Variants in HEATR5B observed in about 807,000 individuals in gnomAD.
HEATR5B encodes HEAT repeat-containing protein 5B.
HEATR5B carries 156 observed loss-of-function variants against 224.1 expected under a neutral mutation model. That is an observed-to-expected ratio of 0.70 (90% CI 0.61 to 0.80). The LOEUF is 0.80. Among genes scored for constraint, HEATR5B ranks in the 30% least tolerant of loss-of-function variants. The probability of loss-of-function intolerance (pLI) is 0.00; values close to 1 mark genes in which losing one functional copy is unlikely to be tolerated. For synonymous variants in HEATR5B, 1,027 were observed against 893.0 expected, an observed-to-expected ratio of 1.15 and a Z score of -2.68; for missense variants, 2,323 against 2,535.5, an observed-to-expected ratio of 0.92 and a Z score of 1.80.
intron 6 of HEATR5B, 96 bp from the exon 7 acceptor site, chr2:37,070,483 A>G: frequency 3.5e-6 from 3 of 856,956 alleles, no homozygotes; most frequent in East Asian, 2.7e-5. Context: ...CTTTACTACA[A>G]TGGGGAAATG....
chr2:37,057,672 T>C (rs548663106), intron 14 of HEATR5B, among the ~76,000 whole-genome samples, 192 bp from the exon 15 acceptor site: 38 of 152,318 alleles, frequency 2.5e-4, no homozygotes, highest in Admixed American at 5.2e-4. Context: ...TATATTGTAT[T>C]GTGTCTTTTA....
chr2:37,070,485 G>A, intron 6 of HEATR5B, 98 bp from the exon 7 acceptor site: 1 of 859,548 alleles, frequency 1.2e-6, no homozygotes, highest in Non-Finnish European at 1.7e-6. Context: ...TTACTACAAT[G>A]GGGAAATGGT....
chr2:37,031,254 C>T (rs1332423436), intron 22 of HEATR5B, among the ~76,000 whole-genome samples: 1 of 152,052 alleles, frequency 6.6e-6, no homozygotes, highest in Non-Finnish European at 1.5e-5. Context: ...ACTGAGTCCA[C>T]CCAGGAAATC....
chr2:37,010,793 A>G (rs1667738417), intron 27 of HEATR5B, among the ~76,000 whole-genome samples: 1 of 151,920 alleles, frequency 6.6e-6, no homozygotes, highest in Non-Finnish European at 1.5e-5. Context: ...AGCCACTAAC[A>G]TTTTTAAGAA....
intron 32 of HEATR5B, among the ~76,000 whole-genome samples, chr2:37,001,838 T>A (rs1667110492): frequency 6.6e-6 from 1 of 152,116 alleles, no homozygotes; most frequent in South Asian, 2.1e-4. Flanking sequence ...CTAATATTTT[T>A]GCATTTTTAG....
At chr2:37,060,479 A>AAG (rs1440518569) in intron 12 of HEATR5B, 102 bp downstream of exon 12, 1 of 915,644 alleles carries the variant, frequency 1.1e-6, no homozygotes, top group Admixed American at 2.8e-5. Context: ...ATTTATCATT[A>AAG]CCTAGTAAAA....
At chr2:37,054,918 T>G (rs1670807933) in intron 16 of HEATR5B, among the ~76,000 whole-genome samples, 1 of 152,226 alleles carries the variant, frequency 6.6e-6, no homozygotes, top group Non-Finnish European at 1.5e-5. Context: ...AAAATCTCCC[T>G]GAGGTCGCTG....
chr2:37,006,797 C>T (rs536681809), intron 29 of HEATR5B, among the ~76,000 whole-genome samples: 5 of 152,204 alleles, frequency 3.3e-5, no homozygotes, highest in South Asian at 4.1e-4. Context: ...AAACATATTA[C>T]GTTTTTTTAC....
At chr2:36,987,500 A>G (rs1666028749) in intron 35 of HEATR5B, among the ~76,000 whole-genome samples, 1 of 152,222 alleles carries the variant, frequency 6.6e-6, no homozygotes. Context: ...ACTAGTTTAA[A>G]AAGTACAGTC....
rs140646803 is a variant in HEATR5B at position 37,062,828 on chromosome 2, C to T, written c.1585-778G>A. Among the ~76,000 whole-genome samples the T allele has an allele frequency of 7.6e-4, 115 of 152,286 alleles. 1 individual carries two copies. Among genetic ancestry groups the T allele is most frequent in the Non-Finnish European group, 1.3e-3 (90 of 68,028 alleles). ...TTAGAGACAGGGTTTCACTCTGTCA[C>T]CCAGGCTGGGGTGCAGTGGCACAAT... is the stretch of plus-strand genomic sequence containing the variant. On this transcript the variant is annotated intron_variant, in intron 10 of 35. Coordinates refer to ENST00000233099, the MANE Select transcript of HEATR5B (RefSeq NM_019024.3).
intron 27 of HEATR5B, among the ~76,000 whole-genome samples, chr2:37,010,647 G>A (rs1667728906): frequency 1.3e-5 from 2 of 151,850 alleles, no homozygotes; most frequent in Admixed American, 1.3e-4. Flanking sequence ...CAGGGTAGCT[G>A]GGATTACAGG....
At position 37,068,752 on chromosome 2, in the gene HEATR5B, A is replaced by G; in HGVS notation, c.1106T>C (p.Leu369Pro). 6.2e-7 allele frequency: 1 copy of G among 1,614,106 alleles called. No individual in the cohort carries two copies. Among genetic ancestry groups the G allele is most frequent in the Non-Finnish European group, 8.5e-7 (1 of 1,180,002 alleles). ...AGCTGCAATCTGGGCTTTTTCACCT[A>G]GCAAACTGCCCACAGTAGCTCTTAG... ...FILRATVGSLLGEKAQIAAAK... is the reference protein window; with the variant it reads ...FILRATVGSLPGEKAQIAAAK... The change falls in exon 8 of 36, where the codon CTA (leucine) becomes CCA (proline). Residue 369 changes from leucine (L) to proline (P), a missense_variant. Physicochemically the swap from Leu to Pro is moderately conservative, Grantham distance 98. Coordinates refer to ENST00000233099, the MANE Select transcript of HEATR5B (RefSeq NM_019024.3).
At chr2:37,061,903 T>C (rs375735037) in intron 11 of HEATR5B, 36 bp downstream of exon 11, 62 of 1,254,850 alleles carry the variant, frequency 4.9e-5, no homozygotes, top group Middle Eastern at 3.7e-4. Context: ...CTGACAGTTA[T>C]AGCGTGACAA....
intron 35 of HEATR5B, among the ~76,000 whole-genome samples, chr2:36,984,349 A>G (rs1457120187): frequency 6.6e-6 from 1 of 151,172 alleles, no homozygotes; most frequent in Non-Finnish European, 1.5e-5. Context: ...TTTATTATCT[A>G]AATGAAAACA....
At chr2:37,038,152 G>C (rs11692443) in intron 20 of HEATR5B, 128 bp from the exon 21 acceptor site, 2 of 635,348 alleles carry the variant, frequency 3.1e-6, no homozygotes, top group East Asian at 7.2e-5. Context: ...TTTTGCTGTT[G>C]TTTTTGAGAT....
intron 20 of HEATR5B, among the ~76,000 whole-genome samples, chr2:37,039,125 G>C (rs9712198): frequency 7.3e-5 from 11 of 150,836 alleles, no homozygotes; most frequent in Non-Finnish European, 1.3e-4. Context: ...CCAGCAGTTT[G>C]AGACCAGCCT....
chr2:37,043,957 G>A (rs189857560), intron 18 of HEATR5B, among the ~76,000 whole-genome samples: 174 of 152,186 alleles, frequency 1.1e-3, no homozygotes, highest in African/African-American at 4.1e-3. Context: ...GTCCAGGCTG[G>A]TCTCAAACGC....
At chr2:37,059,468 T>A (rs1164926871) in intron 12 of HEATR5B, among the ~76,000 whole-genome samples, 195 of 129,406 alleles carry the variant, frequency 1.5e-3, no homozygotes, top group African/African-American at 4.8e-3. Flanking sequence ...ATATATATTT[T>A]TTTTTTTTTT....
At position 37,004,993 on chromosome 2, in the gene HEATR5B, T is replaced by G. The variant is rs1304993115; in HGVS notation, c.4905+639A>C. On this transcript the variant is annotated intron_variant, in intron 30 of 35. Coordinates refer to ENST00000233099, the MANE Select transcript of HEATR5B (RefSeq NM_019024.3). ...TGATCCTTCTGAAATATAAAGTTAG[T>G]TACATCATTCCTCTACTTAAACATT... 2.0e-5 allele frequency among the ~76,000 whole-genome samples: 3 copies of G among 152,182 alleles called. No homozygotes were observed. The East Asian group carries it at 5.8e-4, about 29-fold the overall frequency.
Sources: gnomAD v4.1 joint callset for allele counts (sites outside exome capture counted in the v4.1 genomes callset) on GRCh38, gnomAD v4.1.1 for gene constraint, MANE v1.5 for transcripts, NCBI Gene and HGNC (gene_info 2026-07-23, HGNC 2026-07-21) for gene names.